DAB2IP: variants seen among roughly 807,000 people sequenced by gnomAD.
DAB2IP encodes the protein disabled homolog 2-interacting protein.
DAB2IP carries 28 observed loss-of-function variants against 107.2 expected under a neutral mutation model. The observed-to-expected ratio is 0.26, with a 90% CI of 0.19 to 0.36. The LOEUF is 0.36. DAB2IP is among the 10% of genes least tolerant of loss of function. The pLI, the probability that DAB2IP is intolerant of heterozygous loss-of-function variation, is 1.00. For missense variants in DAB2IP, 1,400 were observed against 1,644.7 expected (o/e 0.85, Z 2.57); for synonymous variants, 755 against 706.4 (o/e 1.07, Z -1.09).
intron 1 of DAB2IP, among the ~76,000 whole-genome samples, chr9:121,574,208 C>T (rs974082394): frequency 9.2e-5 from 14 of 152,258 alleles, no homozygotes; most frequent in Middle Eastern, 6.8e-3. Context: ...TCCATCGTCT[C>T]GCTTCCCCTG....
At chr9:121,590,394 C>G (rs1830401873) in intron 1 of DAB2IP, among the ~76,000 whole-genome samples, 1 of 151,820 alleles carries the variant, frequency 6.6e-6, no homozygotes, top group African/African-American at 2.4e-5. Context: ...TCACTTCCAT[C>G]ATCAGGTAAG....
intron 3 of DAB2IP, among the ~76,000 whole-genome samples, chr9:121,712,363 C>G (rs1443149806): frequency 2.0e-5 from 3 of 152,228 alleles, no homozygotes; most frequent in East Asian, 3.8e-4. Context: ...GGGCTTAGCC[C>G]TCTTTTCTGG....
Position 121,782,014 on chromosome 9 carries a change from T to G in DAB2IP, c.3403-317T>G, listed in dbSNP as rs1835693136. Among the ~76,000 whole-genome samples the G allele has an allele frequency of 6.6e-6, 1 of 152,178 alleles. No homozygotes were observed. Among genetic ancestry groups the G allele is most frequent in the Non-Finnish European group, 1.5e-5 (1 of 68,018 alleles). On this transcript the variant is annotated intron_variant, in intron 15 of 15. Transcript: ENST00000408936. This position sits in a 1 kb window ranked among gnomAD's most constrained non-coding sequence, Gnocchi z 6.1. The stretch of plus-strand genomic sequence containing the variant: ...AGTAGGCTGGGCCTTGCTCAGGCTG[T>G]AAACTGCACAGACCAGGAGCTGTGA...
intron 1 of DAB2IP, among the ~76,000 whole-genome samples, chr9:121,588,712 C>T (rs1830362796): frequency 6.6e-6 from 1 of 151,728 alleles, no homozygotes; most frequent in South Asian, 2.1e-4. Context: ...AAGCCTCAGC[C>T]CACCCTACAC....
In DAB2IP at chr9:121,776,444, G is replaced by A. The variant is rs891127070; in HGVS notation, c.3314+53G>A. ...CACAGGCACAGGCAGGGCAGCCATC[G>A]CTGCCTTCGAGGAGGCCCCTGGTCG... is the stretch of plus-strand genomic sequence containing the variant. On this transcript the variant is annotated intron_variant, in intron 14 of 15. Coordinates refer to ENST00000408936, the Ensembl canonical transcript of DAB2IP. The surrounding 1 kb of genome is among the most constrained non-coding windows in gnomAD (Gnocchi z 5.4). 8.9e-6 allele frequency: 13 copies of A among 1,459,878 alleles called. No homozygotes were observed. Among genetic ancestry groups the A allele is most frequent in the East Asian group, 7.5e-5 (3 of 40,190 alleles). 90.4% of individuals were successfully genotyped at this position (1,459,878 alleles called of 1,614,324 possible). A position where few individuals can be genotyped will look rare whatever the true frequency, so the allele number is the denominator to read the frequency against.
chr9:121,716,427 T>C (rs971683665), intron 3 of DAB2IP, among the ~76,000 whole-genome samples: 1 of 152,244 alleles, frequency 6.6e-6, no homozygotes, highest in African/African-American at 2.4e-5. Flanking sequence ...GGCTGTGCCC[T>C]GTCCCTTGCG....
intron 3 of DAB2IP, among the ~76,000 whole-genome samples, chr9:121,706,513 A>G (rs1312348759): frequency 6.6e-6 from 1 of 152,040 alleles, no homozygotes; most frequent in Admixed American, 6.5e-5. Context: ...GCTTGCTTGC[A>G]CACCCCTTCC....
At chr9:121,769,626 C>T (rs1834551331) in intron 10 of DAB2IP, among the ~76,000 whole-genome samples, 1 of 152,270 alleles carries the variant, frequency 6.6e-6, no homozygotes, top group Non-Finnish European at 1.5e-5. Flanking sequence ...AATCAAAGGC[C>T]ATCATTTTTG....
At chr9:121,629,828 G>C (rs1019524282) in intron 1 of DAB2IP, among the ~76,000 whole-genome samples, 2 of 152,170 alleles carry the variant, frequency 1.3e-5, no homozygotes, top group Admixed American at 6.5e-5. Flanking sequence ...CTAGAGGCCA[G>C]AATTTGGGTT....
intron 1 of DAB2IP, among the ~76,000 whole-genome samples, chr9:121,617,408 A>C (rs1831317069): frequency 6.6e-6 from 1 of 152,248 alleles, no homozygotes; most frequent in Non-Finnish European, 1.5e-5. Context: ...CCCCAATTTC[A>C]AATGAGTGAA....
chr9:121,774,433 C>G, intron 13 of DAB2IP, 21 bp downstream of exon 13: 1 of 1,600,030 alleles, frequency 6.2e-7, no homozygotes, highest in Non-Finnish European at 8.5e-7. Flanking sequence ...ACCCTGGCGG[C>G]TCGGGACAGG....
chr9:121,573,030 C>T (rs1212486872), intron 1 of DAB2IP, among the ~76,000 whole-genome samples: 1 of 151,754 alleles, frequency 6.6e-6, no homozygotes, highest in Admixed American at 6.6e-5. Context: ...CTACTCCATG[C>T]CAGGATCCAA....
exon 1 of DAB2IP, chr9:121,567,198 G>C (rs200496124): frequency 6.2e-7 from 1 of 1,614,030 alleles, no homozygotes; most frequent in Non-Finnish European, 8.5e-7. Flanking sequence ...CATGGAGCCC[G>C]ACTCCCTTCT....
chr9:121,617,934 G>T (rs1236724705), intron 1 of DAB2IP, among the ~76,000 whole-genome samples: 1 of 152,204 alleles, frequency 6.6e-6, no homozygotes, highest in African/African-American at 2.4e-5. Flanking sequence ...TCCATGGCTG[G>T]TTACTTGAGT....
At chr9:121,741,995 C>G (rs1832383315) in intron 3 of DAB2IP, among the ~76,000 whole-genome samples, 2 of 152,064 alleles carry the variant, frequency 1.3e-5, no homozygotes, top group Admixed American at 6.6e-5. Context: ...TTTTCTTTAC[C>G]ATCAGGCTAC....
At chr9:121,734,228 T>A (rs1831727751) in intron 3 of DAB2IP, among the ~76,000 whole-genome samples, 1 of 148,756 alleles carries the variant, frequency 6.7e-6, no homozygotes, top group Non-Finnish European at 1.5e-5. Flanking sequence ...ATACAAAAAA[T>A]TAGCCGGGCG....
intron 2 of DAB2IP, among the ~76,000 whole-genome samples, chr9:121,685,251 C>T (rs370507287): frequency 1.3e-5 from 2 of 152,332 alleles, no homozygotes; most frequent in South Asian, 2.1e-4. Context: ...GTCTGCCTTC[C>T]GCGGGGGGCA....
At chr9:121,724,043 A>T (rs1299457410) in intron 3 of DAB2IP, among the ~76,000 whole-genome samples, 1 of 152,100 alleles carries the variant, frequency 6.6e-6, no homozygotes, top group Non-Finnish European at 1.5e-5. Flanking sequence ...GAGGATAGTG[A>T]CAGGGACAAC....
At chr9:121,669,551 A>G (rs1256221701) in intron 1 of DAB2IP, among the ~76,000 whole-genome samples, 1 of 152,180 alleles carries the variant, frequency 6.6e-6, no homozygotes, top group Non-Finnish European at 1.5e-5. Flanking sequence ...TGGGATTCAC[A>G]CTAGATGAAT....
Sources: gnomAD v4.1 joint callset for allele counts (sites outside exome capture counted in the v4.1 genomes callset) on GRCh38, gnomAD v4.1.1 for gene constraint, Gnocchi (gnomAD v3.1) non-coding constraint, MANE v1.5 for transcripts, NCBI Gene and HGNC (gene_info 2026-07-23, HGNC 2026-07-21) for gene names.